The following THSD7B variants were observed in gnomAD, a reference collection of about 807,000 sequenced individuals.
THSD7B encodes the protein thrombospondin type 1 domain containing 7B, also known as thrombospondin type-1 domain-containing protein 7B.
In THSD7B, 138 loss-of-function variants were observed where a neutral mutation model predicts 213.6. The ratio of observed to expected loss-of-function variants is 0.65; its 90% CI spans 0.56 to 0.74. The LOEUF (loss-of-function observed/expected upper bound fraction) is 0.74, where lower values mean the gene tolerates loss of function less well. Ranked by LOEUF, THSD7B falls within the 30% of genes least tolerant of loss-of-function variation. The pLI is 0.00. For missense variants in THSD7B, 1,931 were observed against 1,991.5 expected (o/e 0.97, Z 0.58); for synonymous variants, 742 against 687.0 (o/e 1.08, Z -1.25).
intron 7 of THSD7B, among the ~76,000 whole-genome samples, chr2:137,224,761 T>C (rs925775015): frequency 7.2e-5 from 11 of 152,144 alleles, no homozygotes; most frequent in Non-Finnish European, 1.0e-4. Flanking sequence ...AAGCTCCGCC[T>C]CCCGGGTTCA....
intron 2 of THSD7B, among the ~76,000 whole-genome samples, chr2:137,020,739 T>C (rs1686428710): frequency 6.6e-6 from 1 of 152,162 alleles, no homozygotes; most frequent in Non-Finnish European, 1.5e-5. Flanking sequence ...TGCAGTTTCA[T>C]TTGTCAACTT....
chr2:136,912,321 C>CAAAAAAAA (rs1159184476), intron 2 of THSD7B, among the ~76,000 whole-genome samples: 1 of 55,832 alleles, frequency 1.8e-5, no homozygotes, highest in Non-Finnish European at 3.0e-5. Flanking sequence ...GACTCCATCT[C>CAAAAAAAA]AAAAAAAAAA....
intron 17 of THSD7B, among the ~76,000 whole-genome samples, chr2:137,609,629 G>A (rs1226188697): frequency 6.6e-6 from 1 of 152,194 alleles, no homozygotes; most frequent in East Asian, 1.9e-4. Flanking sequence ...ATATAATGCT[G>A]GACCCGATTG....
chr2:136,996,667 TTAGAAACACAC>T (rs1277616294), intron 2 of THSD7B, among the ~76,000 whole-genome samples: 2 of 152,162 alleles, frequency 1.3e-5, no homozygotes, highest in Non-Finnish European at 2.9e-5. Context: ...AATGTATGAT[TTAGAAACACAC>T]TAGAAACAGA....
At chr2:137,608,861 C>T (rs16839155) in intron 17 of THSD7B, among the ~76,000 whole-genome samples, 2,900 of 152,288 alleles carry the variant, frequency 0.019, 85 homozygotes, top group African/African-American at 0.065. Context: ...TCTGAACCTC[C>T]GGCCCTTCTA....
chr2:137,284,611 G>A (rs553402943), intron 12 of THSD7B, among the ~76,000 whole-genome samples: 5 of 151,968 alleles, frequency 3.3e-5, no homozygotes, highest in Admixed American at 6.6e-5. Flanking sequence ...CTTTGTTGTC[G>A]TTGGTTTCAA....
At chr2:137,374,148 T>TGAGG (rs1573991402) in intron 12 of THSD7B, among the ~76,000 whole-genome samples, 1 of 149,272 alleles carries the variant, frequency 6.7e-6, no homozygotes, top group East Asian at 2.0e-4. Context: ...CTCTGTGGCA[T>TGAGG]GAGGGGAGGG....
At chr2:137,097,905 G>T (rs1322453272) in intron 4 of THSD7B, among the ~76,000 whole-genome samples, 1 of 152,026 alleles carries the variant, frequency 6.6e-6, no homozygotes, top group Non-Finnish European at 1.5e-5. Context: ...TGTAACTAAT[G>T]ATTCTACTTG....
chr2:137,325,860 C>T (rs1269392996), intron 12 of THSD7B, among the ~76,000 whole-genome samples: 1 of 152,190 alleles, frequency 6.6e-6, no homozygotes, highest in Admixed American at 6.5e-5. Flanking sequence ...CCTCTGCCAT[C>T]TTCATTTGCT....
chr2:137,295,100 A>G (rs1266309781), intron 12 of THSD7B, among the ~76,000 whole-genome samples: 1 of 152,030 alleles, frequency 6.6e-6, no homozygotes, highest in Non-Finnish European at 1.5e-5. Flanking sequence ...CTTGTCTCAA[A>G]TATAATTTCC....
intron 15 of THSD7B, among the ~76,000 whole-genome samples, chr2:137,473,353 C>T (rs1022812751): frequency 2.0e-5 from 3 of 151,956 alleles, no homozygotes; most frequent in Non-Finnish European, 2.9e-5. Flanking sequence ...CCACTACAGG[C>T]ACCCGCCACC....
chr2:136,987,797 T>C (rs1685696004), intron 2 of THSD7B, among the ~76,000 whole-genome samples: 1 of 152,196 alleles, frequency 6.6e-6, no homozygotes, highest in Admixed American at 6.5e-5. Flanking sequence ...ACAAAAAGGA[T>C]GAAAGAAGTA....
At chr2:136,978,424 C>T (rs767201764) in intron 2 of THSD7B, among the ~76,000 whole-genome samples, 4 of 152,144 alleles carry the variant, frequency 2.6e-5, no homozygotes, top group Non-Finnish European at 5.9e-5. Context: ...GTGAGAGTCT[C>T]AGTCTCTTCG....
intron 2 of THSD7B, among the ~76,000 whole-genome samples, chr2:136,959,509 C>T (rs540557413): frequency 3.3e-5 from 5 of 152,326 alleles, no homozygotes; most frequent in African/African-American, 9.6e-5. Context: ...TTCATATCCT[C>T]TTAAGATTAC....
At chr2:137,466,675 G>A (rs994867838) in intron 15 of THSD7B, among the ~76,000 whole-genome samples, 1 of 151,990 alleles carries the variant, frequency 6.6e-6, no homozygotes, top group East Asian at 1.9e-4. Flanking sequence ...CAGTTTGCAC[G>A]CAATCAGCAA....
chr2:137,369,644 G>T (rs527665180), intron 12 of THSD7B, among the ~76,000 whole-genome samples: 1 of 152,136 alleles, frequency 6.6e-6, no homozygotes, highest in Admixed American at 6.6e-5. Context: ...ACTCAGTAAC[G>T]ATTACTCTCT....
intron 2 of THSD7B, among the ~76,000 whole-genome samples, chr2:136,978,140 T>A (rs905057687): frequency 2.6e-5 from 4 of 151,952 alleles, no homozygotes; most frequent in Non-Finnish European, 5.9e-5. Context: ...TTAATTGCGC[T>A]GTGGTCTAAC....
intron 2 of THSD7B, among the ~76,000 whole-genome samples, chr2:136,998,115 C>T (rs375315415): frequency 2.6e-5 from 4 of 151,954 alleles, no homozygotes; most frequent in African/African-American, 9.6e-5. Flanking sequence ...CACTCAATGC[C>T]GTGGCCCCAT....
At chr2:136,913,248 T>C (rs1684297683) in intron 2 of THSD7B, among the ~76,000 whole-genome samples, 1 of 152,334 alleles carries the variant, frequency 6.6e-6, no homozygotes, top group South Asian at 2.1e-4. Context: ...ATTTAGGGCA[T>C]CCGGTGGAAG....
Sources: allele counts gnomAD v4.1 joint callset (sites outside exome capture counted in the v4.1 genomes callset), GRCh38; gene constraint gnomAD v4.1.1; transcripts MANE v1.5; gene names NCBI Gene and HGNC (gene_info 2026-07-23, HGNC 2026-07-21).